The following PTPN2 variants were observed in gnomAD, a reference collection of about 807,000 sequenced individuals.
The protein encoded by PTPN2 is protein tyrosine phosphatase non-receptor type 2.
In PTPN2, 19 loss-of-function variants were observed where a neutral mutation model predicts 57.3. The ratio of observed to expected loss-of-function variants is 0.33; its 90% CI spans 0.23 to 0.49. The LOEUF (loss-of-function observed/expected upper bound fraction) is 0.49, where lower values mean the gene tolerates loss of function less well. Ranked by LOEUF, PTPN2 falls within the 20% of genes least tolerant of loss-of-function variation. The probability of loss-of-function intolerance (pLI) is 0.99; values close to 1 mark genes in which losing one functional copy is unlikely to be tolerated. For synonymous variants in PTPN2, 153 were observed against 164.9 expected (o/e 0.93, Z 0.55); for missense variants, 358 against 501.1 (o/e 0.71, Z 2.73).
At chr18:12,847,427 T>C (rs2043247958) in intron 2 of PTPN2, among the ~76,000 whole-genome samples, 1 of 152,172 alleles carries the variant, frequency 6.6e-6, no homozygotes, top group Non-Finnish European at 1.5e-5. Flanking sequence ...CATGTAAAAG[T>C]TCAGGTATCT....
chr18:12,868,471 G>A (rs962883137), intron 1 of PTPN2, among the ~76,000 whole-genome samples: 1 of 151,948 alleles, frequency 6.6e-6, no homozygotes, highest in Non-Finnish European at 1.5e-5. Context: ...AGCCAGGCTT[G>A]TCTTGAACTA....
intron 8 of PTPN2, among the ~76,000 whole-genome samples, chr18:12,797,232 C>T (rs1317646872): frequency 1.3e-5 from 2 of 151,970 alleles, no homozygotes; most frequent in Non-Finnish European, 2.9e-5. Flanking sequence ...CTGGGGGTAT[C>T]GTTAACAAGG....
At chr18:12,796,445 T>C (rs2041192141) in intron 8 of PTPN2, among the ~76,000 whole-genome samples, 1 of 152,238 alleles carries the variant, frequency 6.6e-6, no homozygotes, top group Admixed American at 6.5e-5. Context: ...AAGAGAAATC[T>C]GAATTGAACT....
chr18:12,785,806 T>A, exon 10 of PTPN2: 1 of 1,609,768 alleles, frequency 6.2e-7, no homozygotes, highest in Non-Finnish European at 8.5e-7. Flanking sequence ...CTGCAGAATA[T>A]TCTCAAGTCA....
chr18:12,842,240 C>T (rs1457604084), intron 2 of PTPN2, among the ~76,000 whole-genome samples: 3 of 152,072 alleles, frequency 2.0e-5, no homozygotes, highest in Non-Finnish European at 4.4e-5. Flanking sequence ...TCAGACTCTC[C>T]GCTTCTAGGA....
At chr18:12,849,122 A>C (rs2043307341) in intron 2 of PTPN2, among the ~76,000 whole-genome samples, 1 of 152,254 alleles carries the variant, frequency 6.6e-6, no homozygotes, top group Admixed American at 6.5e-5. Context: ...TGTTGCAGTT[A>C]TCTCTTAGAA....
downstream of PTPN2, among the ~76,000 whole-genome samples, chr18:12,791,527 A>C (rs1316916842): frequency 6.6e-6 from 1 of 152,170 alleles, no homozygotes; most frequent in Non-Finnish European, 1.5e-5. Context: ...TGTCTCTTTG[A>C]CCAGCACACC....
At chr18:12,809,878 A>C (rs1357967101) in intron 7 of PTPN2, among the ~76,000 whole-genome samples, 4 of 152,196 alleles carry the variant, frequency 2.6e-5, no homozygotes, top group Admixed American at 2.6e-4. Context: ...CATGTACCAG[A>C]GGTATTAAAA....
intron 6 of PTPN2, among the ~76,000 whole-genome samples, chr18:12,815,738 G>T (rs1054739949): frequency 1.3e-5 from 2 of 152,120 alleles, no homozygotes; most frequent in Non-Finnish European, 2.9e-5. Flanking sequence ...AGACTCAACC[G>T]TTCCCAATTC....
chr18:12,882,981 G>A (rs983342535), intron 1 of PTPN2, among the ~76,000 whole-genome samples: 1 of 152,172 alleles, frequency 6.6e-6, no homozygotes, highest in African/African-American at 2.4e-5. Context: ...CATTTTAAAA[G>A]AGATAAAGTT....
intron 1 of PTPN2, among the ~76,000 whole-genome samples, chr18:12,870,297 A>ACG (rs1328902775): frequency 7.8e-4 from 53 of 67,792 alleles, no homozygotes; most frequent in African/African-American, 4.7e-3. Flanking sequence ...ATACATATAT[A>ACG]TGTGTATATA....
chr18:12,842,557 C>A (rs1048361490), intron 2 of PTPN2, among the ~76,000 whole-genome samples: 1 of 152,054 alleles, frequency 6.6e-6, no homozygotes, highest in Non-Finnish European at 1.5e-5. Flanking sequence ...GTCAGTCTCA[C>A]GGATATTTTA....
intron 1 of PTPN2, among the ~76,000 whole-genome samples, chr18:12,878,102 T>C (rs1598902880): frequency 6.6e-6 from 1 of 152,106 alleles, no homozygotes; most frequent in Admixed American, 6.5e-5. Flanking sequence ...TTTGGAAGGC[T>C]GAGGTGGACA....
At chr18:12,866,428 A>C (rs2043995322) in intron 1 of PTPN2, among the ~76,000 whole-genome samples, 1 of 148,766 alleles carries the variant, frequency 6.7e-6, no homozygotes, top group Non-Finnish European at 1.5e-5. Flanking sequence ...ACAGAGCCAG[A>C]CTCCTCTCAA....
intron 2 of PTPN2, chr18:12,839,382 C>T (rs1277628351): frequency 6.6e-6 from 1 of 152,210 alleles, no homozygotes; most frequent in Non-Finnish European, 1.5e-5. Flanking sequence ...AATGAGAACA[C>T]ACAGAAAGGT....
intron 2 of PTPN2, among the ~76,000 whole-genome samples, chr18:12,856,731 T>C (rs1319769895): frequency 6.6e-6 from 1 of 152,170 alleles, no homozygotes; most frequent in Non-Finnish European, 1.5e-5. Context: ...TGCAAATGTT[T>C]TTACTTTAAA....
chr18:12,797,551 G>T (rs905773981), intron 8 of PTPN2, among the ~76,000 whole-genome samples: 6 of 152,074 alleles, frequency 3.9e-5, no homozygotes, highest in Non-Finnish European at 8.8e-5. Flanking sequence ...TTCAGGAATG[G>T]ACTAGAGACA....
chr18:12,883,951 A>G, intron 1 of PTPN2, 122 bp downstream of exon 1: 2 of 757,386 alleles, frequency 2.6e-6, no homozygotes, highest in South Asian at 2.1e-5. Context: ...CCGCGCCGCC[A>G]CTTCCGCCCC....
At position 12,870,263 on chromosome 18, in the gene PTPN2, ATATATATATG is replaced by A. The variant is rs1181935112; in HGVS notation, c.70-11019_70-11010del. On this transcript the variant is annotated intron_variant, in intron 1 of 8. Transcript: ENST00000309660. ...AATCCAGTACTTAACTTTAGCATAT[ATATATATATG>A]TATATATATACATATACATATATAT... Among the ~76,000 whole-genome samples, 3 of 105,706 alleles carry A rather than the reference ATATATATATG, an allele frequency of 2.8e-5. 1 individual carries two copies. The highest frequency in any genetic ancestry group is 3.0e-4 in the East Asian group (1 of 3,294). 69.3% of individuals were successfully genotyped at this position (105,706 alleles called of 152,430 possible).
Sources: allele counts gnomAD v4.1 joint callset (sites outside exome capture counted in the v4.1 genomes callset), GRCh38; gene constraint gnomAD v4.1.1; transcripts MANE v1.5; gene names NCBI Gene and HGNC (gene_info 2026-07-23, HGNC 2026-07-21).